The following SLC30A8 variants were observed in gnomAD, a reference collection of about 807,000 sequenced individuals.
SLC30A8 encodes the protein proton-coupled zinc antiporter SLC30A8.
Under a neutral mutation model 36.9 loss-of-function variants are expected in SLC30A8, and 27 were observed. That is an observed-to-expected ratio of 0.73 (90% CI 0.54 to 1.01). SLC30A8 has a LOEUF of 1.01. SLC30A8 is among the 50% of genes least tolerant of loss of function. SLC30A8 has a pLI of 0.00. For synonymous variants in SLC30A8, 164 were observed against 172.4 expected, an observed-to-expected ratio of 0.95 and a Z score of 0.38; for missense variants, 439 against 452.0, an observed-to-expected ratio of 0.97 and a Z score of 0.26.
chr8:117,135,500 G>C (rs1273777540), intron 1 of SLC30A8, 102 bp downstream of exon 1: 2 of 741,396 alleles, frequency 2.7e-6, no homozygotes, highest in East Asian at 5.6e-5. Context: ...CTGCAACTTG[G>C]GGGCACTCTG....
At chr8:117,079,876 C>G (rs1348798213) in intron 2 of SLC30A8, among the ~76,000 whole-genome samples, 1 of 152,170 alleles carries the variant, frequency 6.6e-6, no homozygotes, top group Admixed American at 6.5e-5. Context: ...TTTGTTTAGA[C>G]TAACTTGAAT....
At chr8:117,109,903 G>A (rs1288123257) in intron 2 of SLC30A8, among the ~76,000 whole-genome samples, 1 of 152,130 alleles carries the variant, frequency 6.6e-6, no homozygotes, top group African/African-American at 2.4e-5. Flanking sequence ...GGAAATGGCT[G>A]GCTTCACAGA....
chr8:117,048,948 A>G (rs1817631299), intron 2 of SLC30A8, among the ~76,000 whole-genome samples: 1 of 152,198 alleles, frequency 6.6e-6, no homozygotes, highest in South Asian at 2.1e-4. Flanking sequence ...TGCTGTCTTC[A>G]CTGATGAGAG....
At chr8:117,104,510 G>C (rs1370933137) in intron 2 of SLC30A8, among the ~76,000 whole-genome samples, 1 of 152,036 alleles carries the variant, frequency 6.6e-6, no homozygotes, top group Non-Finnish European at 1.5e-5. Flanking sequence ...TTCTGTTCAT[G>C]ACAATAGGTA....
At chr8:117,155,326 A>G (rs558418380) in intron 3 of SLC30A8, among the ~76,000 whole-genome samples, 13 of 152,184 alleles carry the variant, frequency 8.5e-5, no homozygotes, top group African/African-American at 3.1e-4. Context: ...GACACACTCC[A>G]CTTTCATACC....
chr8:117,155,074 C>T (rs750380673), intron 3 of SLC30A8, among the ~76,000 whole-genome samples: 5 of 152,138 alleles, frequency 3.3e-5, no homozygotes, highest in East Asian at 1.9e-4. Flanking sequence ...CACATTCATA[C>T]GCAACACACC....
chr8:117,052,183 C>G (rs561330512), intron 2 of SLC30A8, among the ~76,000 whole-genome samples: 104 of 152,092 alleles, frequency 6.8e-4, no homozygotes, highest in African/African-American at 2.4e-3. Context: ...ACTAATTTTT[C>G]TATTATTAGT....
At chr8:117,090,065 C>T (rs192195401) in intron 2 of SLC30A8, among the ~76,000 whole-genome samples, 275 of 152,170 alleles carry the variant, frequency 1.8e-3, no homozygotes, top group Non-Finnish European at 2.9e-3. Flanking sequence ...CTCTGCCTCC[C>T]AGGTTCAAGC....
At chr8:116,969,144 A>G (rs976995457) in intron 1 of SLC30A8, among the ~76,000 whole-genome samples, 2 of 152,034 alleles carry the variant, frequency 1.3e-5, no homozygotes, top group Non-Finnish European at 2.9e-5. Flanking sequence ...GGGGCTTGAC[A>G]TGGTGGCTCA....
At chr8:117,143,676 A>ACACACG (rs1821765440) in intron 1 of SLC30A8, among the ~76,000 whole-genome samples, 1 of 150,292 alleles carries the variant, frequency 6.7e-6, no homozygotes, top group African/African-American at 2.5e-5. Context: ...ACACACACAC[A>ACACACG]CACACACACA....
At chr8:116,991,038 G>T (rs868480783) in intron 1 of SLC30A8, among the ~76,000 whole-genome samples, 28 of 152,200 alleles carry the variant, frequency 1.8e-4, no homozygotes, top group Middle Eastern at 3.4e-3. Context: ...TCTGGGGAGG[G>T]TCTTGTGGGA....
intron 2 of SLC30A8, among the ~76,000 whole-genome samples, chr8:117,125,978 T>C (rs1453416429): frequency 1.3e-5 from 2 of 152,014 alleles, no homozygotes; most frequent in Non-Finnish European, 2.9e-5. Context: ...TTTTTTGTTT[T>C]CTCCCAGAAT....
intron 1 of SLC30A8, among the ~76,000 whole-genome samples, chr8:117,012,655 C>T (rs566022658): frequency 3.4e-5 from 5 of 148,866 alleles, no homozygotes; most frequent in East Asian, 2.1e-4. Context: ...TACAGAAGGA[C>T]GACTGTATAT....
intron 1 of SLC30A8, among the ~76,000 whole-genome samples, chr8:117,036,078 A>T (rs1194223214): frequency 6.6e-6 from 1 of 151,530 alleles, no homozygotes; most frequent in East Asian, 1.9e-4. Flanking sequence ...GCTCCTCTTT[A>T]CTTACGCAAC....
At chr8:117,090,603 C>T (rs1819075445) in intron 2 of SLC30A8, among the ~76,000 whole-genome samples, 1 of 152,186 alleles carries the variant, frequency 6.6e-6, no homozygotes. Context: ...AATAAGGGCA[C>T]TAATCCCATT....
chr8:117,015,618 A>G (rs1816492844), intron 1 of SLC30A8, among the ~76,000 whole-genome samples: 1 of 152,090 alleles, frequency 6.6e-6, no homozygotes, highest in Non-Finnish European at 1.5e-5. Flanking sequence ...CATAGAATAC[A>G]GGGTTTTCTG....
At chr8:117,169,346 T>C (rs990308054) in intron 6 of SLC30A8, among the ~76,000 whole-genome samples, 27 of 152,174 alleles carry the variant, frequency 1.8e-4, no homozygotes, top group Admixed American at 1.7e-3. Flanking sequence ...GAGAGTTATT[T>C]ATATCCTGCT....
At chr8:117,108,571 A>T (rs1353459775) in intron 2 of SLC30A8, among the ~76,000 whole-genome samples, 1 of 152,206 alleles carries the variant, frequency 6.6e-6, no homozygotes, top group Non-Finnish European at 1.5e-5. Flanking sequence ...ATCCTAAAAA[A>T]AGATGAGAAA....
rs185179876 is a variant in SLC30A8 at position 117,163,442 on chromosome 8, C to T, written c.741C>T (p.Ala247=). The T allele has an allele frequency of 4.9e-4, 797 of 1,613,064 alleles. No individual in the cohort carries two copies. Among genetic ancestry groups the T allele is most frequent in the Non-Finnish European group, 6.0e-4 (705 of 1,179,482 alleles). Residue 247 remains alanine, a synonymous_variant, in exon 6 of 8, where the codon GCC becomes GCT. Coordinates refer to ENST00000456015, the MANE Select transcript of SLC30A8 (RefSeq NM_173851.3). ...IIYFKPEYKI[A]DPICTFIFSI... ...TTTTCTAGCCAGAGTATAAAATAGC[C>T]GACCCAATCTGCACATTCATCTTTT...
Sources: allele counts gnomAD v4.1 joint callset (sites outside exome capture counted in the v4.1 genomes callset), GRCh38; gene constraint gnomAD v4.1.1; transcripts MANE v1.5; gene names NCBI Gene and HGNC (gene_info 2026-07-23, HGNC 2026-07-21).